The following WDFY3 variants were observed in gnomAD, a reference collection of about 807,000 sequenced individuals.
WDFY3 encodes WD repeat and FYVE domain containing 3, also known as WD repeat and FYVE domain-containing protein 3.
In WDFY3, 66 loss-of-function variants were observed where a neutral mutation model predicts 409.6. The observed-to-expected ratio is 0.16, with a 90% CI of 0.13 to 0.20. The LOEUF (loss-of-function observed/expected upper bound fraction) is 0.20. Ranked by LOEUF, WDFY3 falls within the 10% of genes least tolerant of loss-of-function variation. The probability of loss-of-function intolerance (pLI) is 1.00; values close to 1 mark genes in which losing one functional copy is unlikely to be tolerated. For missense variants in WDFY3, 3,031 were observed against 4,298.1 expected, an observed-to-expected ratio of 0.71 and a Z score of 8.24; for synonymous variants, 1,521 against 1,537.1, an observed-to-expected ratio of 0.99 and a Z score of 0.25.
intron 67 of WDFY3, among the ~76,000 whole-genome samples, chr4:84,675,454 GC>G: frequency 1.3e-5 from 2 of 152,278 alleles, no homozygotes; most frequent in Non-Finnish European, 2.9e-5. Context: ...TGAACTTGGT[GC>G]TTTACAACAC....
rs538676602 is a variant in WDFY3 at position 84,813,725 on chromosome 4, A to G, written c.1888-3381T>C. 1.4e-4 allele frequency among the ~76,000 whole-genome samples: 21 copies of G among 152,296 alleles called. 1 individual carries two copies. The South Asian group carries it at 4.1e-3, about 30-fold the overall frequency. ...TACTTCTTGTTGGCTTTACTTACCA[A>G]TATTTAAAAAATCCAATTAATAAGG... is the stretch of plus-strand genomic sequence containing the variant. On this transcript the variant is annotated intron_variant, in intron 13 of 67. Coordinates refer to ENST00000295888, the MANE Select transcript of WDFY3 (RefSeq NM_014991.6).
At chr4:84,871,633 TTTTTTTC>T (rs1398187287) in intron 3 of WDFY3, among the ~76,000 whole-genome samples, 1 of 152,110 alleles carries the variant, frequency 6.6e-6, no homozygotes, top group Non-Finnish European at 1.5e-5. Context: ...TTTATCCTTT[TTTTTTTC>T]TTTTTTCTTT....
At chr4:84,778,474 T>C (rs774257472) in intron 27 of WDFY3, 29 bp downstream of exon 27, 3 of 1,528,362 alleles carry the variant, frequency 2.0e-6, no homozygotes, top group East Asian at 4.6e-5. Flanking sequence ...TCATTGATTA[T>C]ATATTATCAA....
At chr4:84,955,180 G>A (rs1219411331) in intron 1 of WDFY3, among the ~76,000 whole-genome samples, 2 of 151,576 alleles carry the variant, frequency 1.3e-5, no homozygotes, top group Non-Finnish European at 2.9e-5. Flanking sequence ...TCCAGCCTGG[G>A]CGACAGAACA....
rs183784837 is a variant in WDFY3 at position 84,961,725 on chromosome 4, T to C, written c.-226+4484A>G. Among the ~76,000 whole-genome samples, 369 of 152,022 alleles carry C rather than the reference T, an allele frequency of 2.4e-3. 3 individuals are homozygous for C. The highest frequency in any genetic ancestry group is 8.3e-3 in the African/African-American group (343 of 41,484). ...GTCTAAACACTACTGAAAATAAGAG[T>C]AAAAAAATTTAAAGGAGATCACTAC... On this transcript the variant is annotated intron_variant, in intron 1 of 67. Coordinates refer to ENST00000295888, the MANE Select transcript of WDFY3 (RefSeq NM_014991.6).
intron 2 of WDFY3, among the ~76,000 whole-genome samples, chr4:84,924,111 T>C (rs1769664515): frequency 6.6e-6 from 1 of 152,162 alleles, no homozygotes; most frequent in African/African-American, 2.4e-5. Flanking sequence ...TAGGCAACAG[T>C]GATTTAGGGC....
At chr4:84,876,371 C>G (rs1222212879) in intron 3 of WDFY3, among the ~76,000 whole-genome samples, 1 of 152,110 alleles carries the variant, frequency 6.6e-6, no homozygotes, top group African/African-American at 2.4e-5. Flanking sequence ...GTATTACTAA[C>G]TATTTAACCT....
At chr4:84,682,066 C>CT in intron 64 of WDFY3, among the ~76,000 whole-genome samples, 1 of 152,294 alleles carries the variant, frequency 6.6e-6, no homozygotes, top group African/African-American at 2.4e-5. Flanking sequence ...CAACAGCACG[C>CT]CCTCTAGGTC....
At chr4:84,850,943 T>TG (rs1481430503) in intron 4 of WDFY3, among the ~76,000 whole-genome samples, 3 of 71,304 alleles carry the variant, frequency 4.2e-5, no homozygotes, top group Non-Finnish European at 6.3e-5. Flanking sequence ...TTTTTTTTTT[T>TG]TTTTTTTTTT....
chr4:84,814,894 T>G (rs1753053758), intron 13 of WDFY3, among the ~76,000 whole-genome samples: 1 of 152,170 alleles, frequency 6.6e-6, no homozygotes, highest in Non-Finnish European at 1.5e-5. Flanking sequence ...GGTCTTAGAA[T>G]GTATTCCCCC....
chr4:84,683,630 A>C (rs890264982), intron 63 of WDFY3, among the ~76,000 whole-genome samples: 1 of 152,184 alleles, frequency 6.6e-6, no homozygotes, highest in Non-Finnish European at 1.5e-5. Flanking sequence ...GACAGGCTGA[A>C]AACCCAGTAC....
intron 2 of WDFY3, among the ~76,000 whole-genome samples, chr4:84,922,751 T>G (rs1021185458): frequency 2.0e-5 from 3 of 152,074 alleles, no homozygotes; most frequent in Admixed American, 6.6e-5. Context: ...CCTCAGCCTC[T>G]TTGACTCAAG....
In WDFY3 at chr4:84,672,762, A is replaced by G; in HGVS notation, c.*106T>C. The G allele has an allele frequency of 1.4e-6, 2 of 1,466,714 alleles. No individual in the cohort carries two copies. The highest frequency in any genetic ancestry group is 1.8e-6 in the Non-Finnish European group (2 of 1,081,542). 90.9% of individuals were successfully genotyped at this position (1,466,714 alleles called of 1,614,324 possible). ...AATTTTAACACTTCAAACACGTGGT[A>G]TGAAGAGATGTGTAAACGGAGACTG... is the stretch of plus-strand genomic sequence containing the variant. On this transcript the variant is annotated 3_prime_UTR_variant, in exon 68 of 68. Transcript: ENST00000295888.
chr4:84,762,698 A>G lies in WDFY3; in HGVS notation c.5188+3112T>C, dbSNP rs368673235. 3.9e-5 allele frequency among the ~76,000 whole-genome samples: 6 copies of G among 152,278 alleles called. No homozygotes were observed. In the South Asian group the frequency reaches 6.2e-4, roughly 16 times the overall value. On this transcript the variant is annotated intron_variant, in intron 32 of 67. Coordinates refer to ENST00000295888, the MANE Select transcript of WDFY3 (RefSeq NM_014991.6). Reference sequence around the variant, plus strand: ...TCTCCATTTTAGAGTCTGTAAAATTATTGTTTTCTTTGCCCTCATTAATGA... The same window carrying G: ...TCTCCATTTTAGAGTCTGTAAAATTGTTGTTTTCTTTGCCCTCATTAATGA...
chr4:84,797,100 G>A (rs1431008006), intron 18 of WDFY3, among the ~76,000 whole-genome samples: 1 of 152,052 alleles, frequency 6.6e-6, no homozygotes, highest in African/African-American at 2.4e-5. Flanking sequence ...ATAAAACTAT[G>A]ATTTATTAAT....
intron 64 of WDFY3, among the ~76,000 whole-genome samples, chr4:84,680,528 G>C (rs1335570067): frequency 1.3e-5 from 2 of 152,082 alleles, no homozygotes; most frequent in African/African-American, 4.8e-5. Flanking sequence ...CTGTTATTTT[G>C]CATTTCTTCA....
intron 2 of WDFY3, among the ~76,000 whole-genome samples, chr4:84,900,184 T>C (rs899957575): frequency 7.9e-5 from 12 of 152,166 alleles, no homozygotes; most frequent in Admixed American, 2.0e-4. Flanking sequence ...AGCAAGTGAA[T>C]AGACACACAA....
At chr4:84,935,600 C>T (rs1771310672) in intron 1 of WDFY3, among the ~76,000 whole-genome samples, 2 of 151,960 alleles carry the variant, frequency 1.3e-5, no homozygotes, top group African/African-American at 2.4e-5. Context: ...TATTTGGATG[C>T]CCATTACTTG....
chr4:84,954,800 C>T (rs990805816), intron 1 of WDFY3, among the ~76,000 whole-genome samples: 1 of 152,136 alleles, frequency 6.6e-6, no homozygotes, highest in Non-Finnish European at 1.5e-5. Context: ...TTTAGCTGCA[C>T]TATTAATTTT....
Sources: allele counts gnomAD v4.1 joint callset (sites outside exome capture counted in the v4.1 genomes callset), GRCh38; gene constraint gnomAD v4.1.1; transcripts MANE v1.5; gene names NCBI Gene and HGNC (gene_info 2026-07-23, HGNC 2026-07-21).